The following CTNNA3 variants were observed in gnomAD, a reference collection of about 807,000 sequenced individuals.
CTNNA3 encodes catenin alpha 3.
Under a neutral mutation model 95.7 loss-of-function variants are expected in CTNNA3, and 76 were observed. The ratio of observed to expected loss-of-function variants is 0.79; its 90% CI spans 0.66 to 0.96. CTNNA3 has a LOEUF of 0.96. Among genes scored for constraint, CTNNA3 ranks in the 40% least tolerant of loss-of-function variants. The pLI, the probability that CTNNA3 is intolerant of heterozygous loss-of-function variation, is 0.00. For missense variants in CTNNA3, 1,191 were observed against 1,089.8 expected (o/e 1.09, Z -1.31); for synonymous variants, 431 against 374.4 (o/e 1.15, Z -1.74).
At chr10:66,685,310 T>TAC (rs1847236545) in intron 9 of CTNNA3, among the ~76,000 whole-genome samples, 1 of 35,786 alleles carries the variant, frequency 2.8e-5, no homozygotes, top group African/African-American at 2.1e-4. Context: ...TATATATATG[T>TAC]GTGTGTGTAT....
At chr10:67,400,654 C>T (rs1422824093) in intron 5 of CTNNA3, among the ~76,000 whole-genome samples, 1 of 152,062 alleles carries the variant, frequency 6.6e-6, no homozygotes, top group Non-Finnish European at 1.5e-5. Flanking sequence ...AAATAACCCC[C>T]AAATTATATA....
chr10:66,818,474 G>A (rs1842173824), intron 7 of CTNNA3, among the ~76,000 whole-genome samples: 1 of 152,068 alleles, frequency 6.6e-6, no homozygotes, highest in African/African-American at 2.4e-5. Flanking sequence ...CTATACACTT[G>A]AACAGTCTGA....
chr10:66,411,193 C>T (rs1335467997), intron 11 of CTNNA3, among the ~76,000 whole-genome samples: 1 of 152,024 alleles, frequency 6.6e-6, no homozygotes, highest in African/African-American at 2.4e-5. Flanking sequence ...ATAATGTGTC[C>T]TGTGTTCACA....
chr10:66,852,236 A>G (rs1324751891), intron 7 of CTNNA3, among the ~76,000 whole-genome samples: 1 of 152,174 alleles, frequency 6.6e-6, no homozygotes, highest in Non-Finnish European at 1.5e-5. Context: ...ATCATATGTT[A>G]TTACTGAAAT....
At chr10:66,076,192 C>G (rs186746708) in intron 14 of CTNNA3, among the ~76,000 whole-genome samples, 2 of 151,420 alleles carry the variant, frequency 1.3e-5, no homozygotes, top group African/African-American at 4.8e-5. Context: ...GTGACATGTA[C>G]GTGTTTTCTT....
chr10:67,639,399 A>G (rs1839442793), intron 2 of CTNNA3, among the ~76,000 whole-genome samples: 1 of 152,186 alleles, frequency 6.6e-6, no homozygotes, highest in Non-Finnish European at 1.5e-5. Context: ...AGGACCAGAC[A>G]GATTCACAGC....
At chr10:67,073,577 TGAGA>T (rs1229517131) in intron 7 of CTNNA3, among the ~76,000 whole-genome samples, 3 of 146,454 alleles carry the variant, frequency 2.0e-5, no homozygotes, top group South Asian at 4.3e-4. Flanking sequence ...AGAGAAAAAA[TGAGA>T]GAGTCATATT....
chr10:66,602,941 T>C (rs1007342226), intron 10 of CTNNA3, among the ~76,000 whole-genome samples: 1 of 152,044 alleles, frequency 6.6e-6, no homozygotes, highest in African/African-American at 2.4e-5. Flanking sequence ...AGAAGAAATA[T>C]ACCTCAACAC....
chr10:67,252,593 C>G (rs1866154812), intron 5 of CTNNA3, among the ~76,000 whole-genome samples: 1 of 152,164 alleles, frequency 6.6e-6, no homozygotes, highest in Non-Finnish European at 1.5e-5. Context: ...CACCCTTCTT[C>G]TTGTAATGAT....
intron 1 of CTNNA3, among the ~76,000 whole-genome samples, chr10:67,671,680 G>A (rs1840437332): frequency 6.6e-6 from 1 of 151,632 alleles, no homozygotes; most frequent in Non-Finnish European, 1.5e-5. Context: ...CCCTACAAAG[G>A]ACATGAACTC....
rs2077033121 is a variant in CTNNA3, at chr10:65,918,450, A to G, written c.*1880T>C. 2 of 151,986 alleles carry G rather than the reference A, an allele frequency of 1.3e-5. No homozygotes were observed. Among genetic ancestry groups the G allele is most frequent in the Non-Finnish European group, 2.9e-5 (2 of 67,990 alleles). The allele number at this position is 151,986 out of a possible 1,614,324, so 9.4% of individuals were successfully genotyped here. A position where few individuals can be genotyped will look rare whatever the true frequency, so the allele number is the denominator to read the frequency against. ...GGAAGAAGGATATACCACAGATGTC[A>G]CTCGTGCAACATCTACACTTAGAGC... On this transcript the variant is annotated 3_prime_UTR_variant, in exon 18 of 18. Coordinates refer to ENST00000433211, the MANE Select transcript of CTNNA3 (RefSeq NM_013266.4).
At chr10:67,604,186 T>C (rs550574794) in intron 3 of CTNNA3, among the ~76,000 whole-genome samples, 123 of 152,322 alleles carry the variant, frequency 8.1e-4, no homozygotes, top group Admixed American at 1.9e-3. Context: ...GGCATATGGA[T>C]GCACTTCTCA....
chr10:67,103,241 A>T (rs1310966726), intron 7 of CTNNA3, among the ~76,000 whole-genome samples: 1 of 151,870 alleles, frequency 6.6e-6, no homozygotes, highest in Non-Finnish European at 1.5e-5. Context: ...GTGCTTTCCC[A>T]TATCAATGTG....
intron 9 of CTNNA3, among the ~76,000 whole-genome samples, chr10:66,661,074 C>A (rs555688854): frequency 6.6e-6 from 1 of 152,178 alleles, no homozygotes; most frequent in African/African-American, 2.4e-5. Context: ...AATTATTATT[C>A]ATAAACCAAC....
intron 15 of CTNNA3, among the ~76,000 whole-genome samples, chr10:66,044,837 C>T (rs1430762809): frequency 2.6e-5 from 4 of 152,196 alleles, no homozygotes; most frequent in African/African-American, 9.7e-5. Flanking sequence ...CTGTACCATA[C>T]ATTTTATATG....
chr10:67,210,059 G>T (rs940260245), intron 6 of CTNNA3, among the ~76,000 whole-genome samples: 7 of 152,104 alleles, frequency 4.6e-5, no homozygotes, highest in Non-Finnish European at 1.0e-4. Flanking sequence ...TGTAATCCCA[G>T]CACTTTGGGA....
intron 7 of CTNNA3, among the ~76,000 whole-genome samples, chr10:66,990,657 T>C: frequency 6.6e-6 from 1 of 152,100 alleles, no homozygotes; most frequent in East Asian, 1.9e-4. Flanking sequence ...ACCAGATAAG[T>C]GTCCTTTTCT....
At chr10:66,275,820 C>G (rs1460961778) in intron 13 of CTNNA3, among the ~76,000 whole-genome samples, 1 of 150,866 alleles carries the variant, frequency 6.6e-6, no homozygotes, top group South Asian at 2.1e-4. Context: ...TACAAGGCCA[C>G]CAAGAAAAAA....
At chr10:67,560,341 T>C (rs1841459332) in intron 3 of CTNNA3, among the ~76,000 whole-genome samples, 1 of 151,558 alleles carries the variant, frequency 6.6e-6, no homozygotes, top group Non-Finnish European at 1.5e-5. Context: ...TTCAACATTC[T>C]TAAAGAAAAG....
Sources: gnomAD v4.1 joint callset for allele counts (sites outside exome capture counted in the v4.1 genomes callset) on GRCh38, gnomAD v4.1.1 for gene constraint, MANE v1.5 for transcripts, NCBI Gene and HGNC (gene_info 2026-07-23, HGNC 2026-07-21) for gene names.